NCKAP5: variants seen among roughly 807,000 people sequenced by gnomAD.
NCKAP5 encodes the protein nck-associated protein 5.
A neutral mutation model predicts 167.0 loss-of-function variants in NCKAP5; 92 were observed. The ratio of observed to expected loss-of-function variants is 0.55; its 90% CI spans 0.47 to 0.66. NCKAP5 has a LOEUF of 0.66. Ranked by LOEUF, NCKAP5 falls within the 30% of genes least tolerant of loss-of-function variation. The pLI, the probability that NCKAP5 is intolerant of heterozygous loss-of-function variation, is 0.00. For missense variants in NCKAP5, 2,378 were observed against 2,315.0 expected (o/e 1.03, Z -0.56); for synonymous variants, 891 against 877.4 (o/e 1.02, Z -0.27).
chr2:132,791,507 CA>C (rs2105119370), intron 12 of NCKAP5, among the ~76,000 whole-genome samples: 1 of 152,308 alleles, frequency 6.6e-6, no homozygotes, highest in East Asian at 1.9e-4. Context: ...ACAAACTGGA[CA>C]GGCTAAATTA....
intron 3 of NCKAP5, among the ~76,000 whole-genome samples, chr2:133,469,119 G>A (rs908694023): frequency 8.6e-5 from 13 of 151,974 alleles, no homozygotes; most frequent in Non-Finnish European, 1.2e-4. Flanking sequence ...TGGTCTTTAC[G>A]TTTTGGCATG....
In NCKAP5 at chr2:132,876,249, T is replaced by G. The variant is rs114758229; in HGVS notation, c.648+2599A>C. Among the ~76,000 whole-genome samples, 895 of 152,222 alleles carry G rather than the reference T, an allele frequency of 5.9e-3. 8 individuals carry two copies. The highest frequency in any genetic ancestry group is 0.02 in the African/African-American group (820 of 41,526). ...ACAGGTACCTGCCACTACATTCGCCTAGGTTTTATGATTTTATTTTTTTTA... is the reference window on the plus strand; with the variant it reads ...ACAGGTACCTGCCACTACATTCGCCGAGGTTTTATGATTTTATTTTTTTTA... On this transcript the variant is annotated intron_variant, in intron 9 of 19. Coordinates refer to ENST00000409261, the MANE Select transcript of NCKAP5 (RefSeq NM_207363.3).
chr2:133,270,787 C>T (rs1000376329), intron 4 of NCKAP5, among the ~76,000 whole-genome samples: 1 of 152,146 alleles, frequency 6.6e-6, no homozygotes, highest in Admixed American at 6.6e-5. Context: ...GCCACTCCTT[C>T]ATTTACATAG....
At chr2:132,683,826 A>C (rs1177212112) in intron 19 of NCKAP5, among the ~76,000 whole-genome samples, 2 of 152,202 alleles carry the variant, frequency 1.3e-5, no homozygotes, top group Non-Finnish European at 2.9e-5. Flanking sequence ...AGGTGACAAT[A>C]GAAACATCAT....
At chr2:133,669,091 GAT>G in the NCKAP5 span, among the ~76,000 whole-genome samples, 2 of 152,282 alleles carry the variant, frequency 1.3e-5, no homozygotes, top group African/African-American at 4.8e-5. Context: ...ATTAAACAGT[GAT>G]ATTTGGTAAT....
At chr2:132,872,912 T>C (rs566352282) in intron 9 of NCKAP5, among the ~76,000 whole-genome samples, 1 of 152,180 alleles carries the variant, frequency 6.6e-6, no homozygotes, top group African/African-American at 2.4e-5. Context: ...AATCTGACTT[T>C]TCTCAGCCAT....
chr2:132,965,725 T>C (rs1056585038), intron 7 of NCKAP5, among the ~76,000 whole-genome samples: 3 of 152,178 alleles, frequency 2.0e-5, no homozygotes, highest in Non-Finnish European at 2.9e-5. Context: ...ACCCAGGCTA[T>C]ATGGTACCTA....
At chr2:133,607,956 C>T in the NCKAP5 span, among the ~76,000 whole-genome samples, 2 of 152,218 alleles carry the variant, frequency 1.3e-5, no homozygotes, top group African/African-American at 4.8e-5. Flanking sequence ...AATCCAATAA[C>T]AACTTACTGG....
chr2:133,200,900 G>A (rs1156899154), intron 5 of NCKAP5, among the ~76,000 whole-genome samples: 2 of 152,040 alleles, frequency 1.3e-5, no homozygotes, highest in South Asian at 2.1e-4. Context: ...AGTTGTCCCC[G>A]CTTATCCACA....
chr2:133,209,167 G>A (rs2086096859), intron 5 of NCKAP5, among the ~76,000 whole-genome samples: 1 of 151,784 alleles, frequency 6.6e-6, no homozygotes, highest in Non-Finnish European at 1.5e-5. Flanking sequence ...TACCAATATT[G>A]AAGACAACAC....
chr2:133,550,651 G>T (rs1241144090), intron 2 of NCKAP5, among the ~76,000 whole-genome samples: 1 of 113,350 alleles, frequency 8.8e-6, no homozygotes, highest in Admixed American at 9.4e-5. Flanking sequence ...ATACTGAATG[G>T]GCAAAAACTG....
chr2:133,009,865 C>A (rs1440685846), intron 6 of NCKAP5, among the ~76,000 whole-genome samples: 1 of 151,830 alleles, frequency 6.6e-6, no homozygotes, highest in African/African-American at 2.4e-5. Flanking sequence ...GTCAGGAGTT[C>A]GAGACCATCC....
the NCKAP5 span, among the ~76,000 whole-genome samples, chr2:133,663,094 G>A: frequency 3.3e-5 from 5 of 152,050 alleles, no homozygotes; most frequent in African/African-American, 1.2e-4. Flanking sequence ...GCGAAACCCC[G>A]TCTCTACTAA....
chr2:133,050,394 G>C (rs1160857744), intron 6 of NCKAP5, among the ~76,000 whole-genome samples: 1 of 152,156 alleles, frequency 6.6e-6, no homozygotes. Context: ...GGGAAAAAGA[G>C]ATGGTTTTAT....
intron 3 of NCKAP5, among the ~76,000 whole-genome samples, chr2:133,449,910 C>T (rs1691439065): frequency 6.6e-6 from 1 of 151,628 alleles, no homozygotes; most frequent in African/African-American, 2.4e-5. Flanking sequence ...GGTTGAAGTG[C>T]CTTGACAACT....
intron 6 of NCKAP5, among the ~76,000 whole-genome samples, chr2:133,095,293 T>C (rs1285119691): frequency 6.6e-6 from 1 of 152,236 alleles, no homozygotes; most frequent in Non-Finnish European, 1.5e-5. Context: ...TTCCATAGTA[T>C]GTGGTAAACC....
chr2:133,475,342 G>A (rs1186041590), intron 3 of NCKAP5, among the ~76,000 whole-genome samples: 3 of 152,188 alleles, frequency 2.0e-5, no homozygotes, highest in African/African-American at 2.4e-5. Context: ...ACACACACAT[G>A]CACAAGCTTA....
chr2:132,677,739 T>C (rs1684676899), intron 19 of NCKAP5, among the ~76,000 whole-genome samples: 1 of 152,040 alleles, frequency 6.6e-6, no homozygotes, highest in Admixed American at 6.6e-5. Flanking sequence ...AATTGAGACG[T>C]GCCTACCCCA....
chr2:133,380,049 T>C (rs923703265), intron 3 of NCKAP5, among the ~76,000 whole-genome samples: 3 of 152,174 alleles, frequency 2.0e-5, no homozygotes, highest in Admixed American at 6.5e-5. Flanking sequence ...TTGAATCTCA[T>C]CCTGTGGAAC....
Sources: allele counts gnomAD v4.1 joint callset (sites outside exome capture counted in the v4.1 genomes callset), GRCh38; gene constraint gnomAD v4.1.1; transcripts MANE v1.5; gene names NCBI Gene and HGNC (gene_info 2026-07-23, HGNC 2026-07-21).